The following ESF1 variants were observed in gnomAD, a reference collection of about 807,000 sequenced individuals.
ESF1 encodes the protein ESF1 homolog.
A neutral mutation model predicts 92.0 loss-of-function variants in ESF1; 58 were observed. The observed-to-expected ratio is 0.63, with a 90% CI of 0.51 to 0.78. ESF1 has a LOEUF of 0.78. Ranked by LOEUF, ESF1 falls within the 30% of genes least tolerant of loss-of-function variation. The pLI, the probability that ESF1 is intolerant of heterozygous loss-of-function variation, is 0.00. For missense variants in ESF1, 922 were observed against 989.1 expected (o/e 0.93, Z 0.91); for synonymous variants, 321 against 313.7 (o/e 1.02, Z -0.24).
chr20:13,736,578 A>G (rs1221046180), intron 9 of ESF1, among the ~76,000 whole-genome samples: 1 of 152,180 alleles, frequency 6.6e-6, no homozygotes, highest in African/African-American at 2.4e-5. Context: ...TAAACACTTA[A>G]TTGATCTGTC....
chr20:13,751,895 T>A (rs1978653558), intron 9 of ESF1, among the ~76,000 whole-genome samples: 1 of 151,978 alleles, frequency 6.6e-6, no homozygotes, highest in South Asian at 2.1e-4. Context: ...CTCAGGAGGC[T>A]GAGGCAGGAG....
intron 10 of ESF1, among the ~76,000 whole-genome samples, chr20:13,731,531 C>CAAAAAA (rs35867169): frequency 1.4e-5 from 1 of 71,528 alleles, no homozygotes; most frequent in African/African-American, 5.4e-5. Flanking sequence ...GACTCGGTCT[C>CAAAAAA]AAAAAAAAAA....
intron 8 of ESF1, among the ~76,000 whole-genome samples, chr20:13,763,921 T>C (rs1409044662): frequency 6.6e-6 from 1 of 152,126 alleles, no homozygotes; most frequent in East Asian, 1.9e-4. Flanking sequence ...TTCCATACTG[T>C]TAAGGAGTAG....
intron 9 of ESF1, among the ~76,000 whole-genome samples, chr20:13,745,623 T>C (rs2050043342): frequency 6.6e-6 from 1 of 152,046 alleles, no homozygotes; most frequent in South Asian, 2.1e-4. Context: ...AGCTAACTTG[T>C]ATTTTTTTAG....
intron 11 of ESF1, among the ~76,000 whole-genome samples, chr20:13,719,881 A>G (rs377432953): frequency 3.3e-5 from 5 of 152,226 alleles, no homozygotes; most frequent in African/African-American, 1.2e-4. Flanking sequence ...ACCTGTAAAT[A>G]TAAGTTTTAA....
chr20:13,763,599 A>T (rs1979303308), intron 8 of ESF1, among the ~76,000 whole-genome samples: 1 of 152,260 alleles, frequency 6.6e-6, no homozygotes, highest in African/African-American at 2.4e-5. Flanking sequence ...AATAAAAAAG[A>T]AATACTGATA....
chr20:13,716,034 A>G lies in ESF1; in HGVS notation c.2263-867T>C, dbSNP rs564417404. The stretch of plus-strand genomic sequence containing the variant: ...ATAAAAACCTAACTGGAATGGGAGC[A>G]TATGTGAAACTGACTCAAACAACAG... On this transcript the variant is annotated intron_variant, in intron 13 of 13. Coordinates refer to ENST00000617257, the MANE Select transcript of ESF1 (RefSeq NM_001276380.2). Among the ~76,000 whole-genome samples, 173 of 152,346 alleles carry G rather than the reference A, an allele frequency of 1.1e-3. 1 individual carries two copies. Among genetic ancestry groups the G allele is most frequent in the Middle Eastern group, 6.8e-3 (2 of 294 alleles).
chr20:13,780,238 A>AT lies in ESF1; in HGVS notation c.637+2265dup, dbSNP rs1385908053. On this transcript the variant is annotated intron_variant, in intron 2 of 13. Coordinates refer to ENST00000617257, the MANE Select transcript of ESF1 (RefSeq NM_001276380.2). ...TAATCTTGTTCGCTGATACAGTCTT[A>AT]TTGCTCAAGGTAACTAAGAAAATTA... Among the ~76,000 whole-genome samples the AT allele has an allele frequency of 4.6e-5, 7 of 152,336 alleles. No individual in the cohort carries two copies. In the East Asian group the frequency reaches 1.4e-3, roughly 29 times the overall value.
At chr20:13,766,636 T>G in intron 8 of ESF1, 141 bp downstream of exon 8, 1 of 738,590 alleles carries the variant, frequency 1.4e-6, no homozygotes, top group African/African-American at 1.8e-5. Flanking sequence ...AGAAAATTTT[T>G]TTTTAAAAAA....
In ESF1 at chr20:13,775,619, C is replaced by G. The variant is rs185423482; in HGVS notation, c.1035+254G>C. 9.2e-5 allele frequency among the ~76,000 whole-genome samples: 14 copies of G among 152,214 alleles called. No individual in the cohort carries two copies. The East Asian group carries it at 2.5e-3, about 27-fold the overall frequency. On this transcript the variant is annotated intron_variant, in intron 3 of 13. Transcript: ENST00000617257. Reference sequence around the variant, plus strand: ...ACATTTCTTTTGGGTGCCGTACAAACAGAAATACAAACTACTAGCTAAAAC... The same window carrying G: ...ACATTTCTTTTGGGTGCCGTACAAAGAGAAATACAAACTACTAGCTAAAAC...
intron 12 of ESF1, among the ~76,000 whole-genome samples, chr20:13,718,021 T>A (rs1477199379): frequency 6.6e-6 from 1 of 151,870 alleles, no homozygotes; most frequent in Non-Finnish European, 1.5e-5. Flanking sequence ...GACCTTAGGA[T>A]CTGCTTCTGA....
intron 11 of ESF1, 48 bp downstream of exon 11, chr20:13,728,330 C>T (rs201115665): frequency 6.9e-7 from 1 of 1,447,364 alleles, no homozygotes; most frequent in East Asian, 2.3e-5. Context: ...TGTACCTCAC[C>T]TTTTTCTTTA....
chr20:13,737,387 G>T (rs778200920), intron 9 of ESF1, among the ~76,000 whole-genome samples: 5 of 152,104 alleles, frequency 3.3e-5, no homozygotes, highest in Non-Finnish European at 7.3e-5. Flanking sequence ...AAAAATAAGA[G>T]TATACATTCT....
chr20:13,733,461 C>T (rs1387841546), intron 10 of ESF1, among the ~76,000 whole-genome samples: 3 of 152,172 alleles, frequency 2.0e-5, no homozygotes, highest in Admixed American at 6.5e-5. Flanking sequence ...ATGTGTTTTA[C>T]GTAGGTGGCA....
At chr20:13,766,389 C>G (rs1182801043) in intron 8 of ESF1, among the ~76,000 whole-genome samples, 1 of 152,014 alleles carries the variant, frequency 6.6e-6, no homozygotes, top group African/African-American at 2.4e-5. Flanking sequence ...GGAATAATTA[C>G]AGAAACAGGG....
chr20:13,779,468 A>T (rs2147450358), intron 2 of ESF1, among the ~76,000 whole-genome samples: 1 of 152,338 alleles, frequency 6.6e-6, no homozygotes, highest in East Asian at 1.9e-4. Context: ...CCTATTTTTA[A>T]AACTTCATAG....
At chr20:13,783,456 C>A (rs889186963) in intron 1 of ESF1, among the ~76,000 whole-genome samples, 1 of 152,148 alleles carries the variant, frequency 6.6e-6, no homozygotes, top group African/African-American at 2.4e-5. Flanking sequence ...TGGAGGGGAA[C>A]AAATGTTTAT....
chr20:13,777,101 T>C (rs573484629), intron 2 of ESF1, among the ~76,000 whole-genome samples: 2 of 152,186 alleles, frequency 1.3e-5, no homozygotes, highest in Non-Finnish European at 2.9e-5. Context: ...GACTATACTG[T>C]AGAAAACTGA....
At chr20:13,762,772 G>T in intron 8 of ESF1, 1 of 356,082 alleles carries the variant, frequency 2.8e-6, no homozygotes, top group Non-Finnish European at 5.3e-6. Context: ...TAGTAAATTT[G>T]TAATCAATTA....
Sources: allele counts gnomAD v4.1 joint callset (sites outside exome capture counted in the v4.1 genomes callset), GRCh38; gene constraint gnomAD v4.1.1; transcripts MANE v1.5; gene names NCBI Gene and HGNC (gene_info 2026-07-23, HGNC 2026-07-21).